CCDC88A: variants seen among roughly 807,000 people sequenced by gnomAD.
The protein encoded by CCDC88A is girdin.
CCDC88A carries 54 observed loss-of-function variants against 234.3 expected under a neutral mutation model. The observed-to-expected ratio is 0.23, with a 90% CI of 0.19 to 0.29. The LOEUF (loss-of-function observed/expected upper bound fraction) is 0.29, where lower values mean the gene tolerates loss of function less well. CCDC88A is among the 10% of genes least tolerant of loss of function. The pLI is 1.00. For missense variants in CCDC88A, 1,832 were observed against 2,123.4 expected, an observed-to-expected ratio of 0.86 and a Z score of 2.70; for synonymous variants, 753 against 737.8, an observed-to-expected ratio of 1.02 and a Z score of -0.33.
Position 55,419,020 on chromosome 2 carries a change from A to C in CCDC88A, c.60T>G (p.Thr20=). The C allele has an allele frequency of 6.2e-7, 1 of 1,612,376 alleles. No homozygotes were observed. The highest frequency in any genetic ancestry group is 1.1e-5 in the South Asian group (1 of 91,040). Residue 20 remains threonine (T), a synonymous_variant, in exon 1 of 33, where the codon ACT becomes ACG. Transcript: ENST00000436346. ...LEQFMTSPLV[T]WVKTFGPLAA... Reference sequence around the variant, plus strand: ...CAATAAAGGACACCCCACTTACCCAAGTGACCAAAGGGCTGGTCATGAACT... The same window carrying C: ...CAATAAAGGACACCCCACTTACCCACGTGACCAAAGGGCTGGTCATGAACT...
At chr2:55,383,925 G>C (rs1260290572) in intron 3 of CCDC88A, among the ~76,000 whole-genome samples, 2 of 152,030 alleles carry the variant, frequency 1.3e-5, no homozygotes, top group Non-Finnish European at 2.9e-5. Context: ...TATTTCTGAA[G>C]ACAATTTAAA....
intron 25 of CCDC88A, chr2:55,307,939 A>G (rs1035307738): frequency 6.6e-6 from 1 of 152,454 alleles, no homozygotes; most frequent in Non-Finnish European, 1.4e-5. Context: ...TAGGTGCACA[A>G]TACTACAACG....
At chr2:55,405,170 T>C (rs571304793) in intron 2 of CCDC88A, 1 of 152,380 alleles carries the variant, frequency 6.6e-6, no homozygotes, top group South Asian at 2.1e-4. Flanking sequence ...GCTTTTCCCC[T>C]AAAACGCTTC....
chr2:55,372,310 G>A (rs1168650962), intron 5 of CCDC88A, 142 bp downstream of exon 5: 2 of 490,144 alleles, frequency 4.1e-6, no homozygotes, highest in Non-Finnish European at 7.4e-6. Flanking sequence ...ATCTCCTTAG[G>A]AGGTTATACA....
Position 55,289,946 on chromosome 2 carries a change from T to TTAAAAA in CCDC88A, c.*1253_*1254insTTTTTA. The TTAAAAA allele has an allele frequency of 6.6e-6, 1 of 152,552 alleles. No homozygotes were observed. The highest frequency in any genetic ancestry group is 1.5e-5 in the Non-Finnish European group (1 of 67,970). 9.4% of individuals were successfully genotyped at this position (152,552 alleles called of 1,614,324 possible). ...CACTGTTAAAATTTTAAAAAGTCAG[T>TTAAAAA]ATGTTTCTCATTTCAGACCTTGAAG... On this transcript the variant is annotated 3_prime_UTR_variant, in exon 33 of 33. Coordinates refer to ENST00000436346, the MANE Select transcript of CCDC88A (RefSeq NM_001365480.1).
intron 2 of CCDC88A, among the ~76,000 whole-genome samples, chr2:55,393,836 G>A (rs1279920593): frequency 1.3e-5 from 2 of 152,072 alleles, no homozygotes; most frequent in African/African-American, 4.8e-5. Context: ...TGCATTTAAT[G>A]TTTCACCATT....
At chr2:55,372,568 T>C in intron 4 of CCDC88A, 58 bp from the exon 5 acceptor site, 2 of 838,480 alleles carry the variant, frequency 2.4e-6, no homozygotes, top group Non-Finnish European at 3.9e-6. Context: ...CTCTATTATA[T>C]TTGGAGAATC....
At chr2:55,411,186 G>C (rs1032304832) in intron 2 of CCDC88A, among the ~76,000 whole-genome samples, 2 of 152,112 alleles carry the variant, frequency 1.3e-5, no homozygotes, top group African/African-American at 2.4e-5. Context: ...TTAATGCCTA[G>C]AATGGTATCA....
chr2:55,296,425 G>A lies in CCDC88A; in HGVS notation c.4924C>T (p.Pro1642Ser). ...GTCTGTCTTTTCAAGTACTGGATTG[G>A]ACTGCTACCACTGCTGGACCAAGCC... ...HEAWSSSGSS[P>S]IQYLKRQTRS... Residue 1642 changes from proline to serine, a missense_variant, in exon 30 of 33, where the codon CCA becomes TCA. By Grantham distance (74) the Pro-to-Ser change is moderately conservative. This residue lies in a region of CCDC88A where 422 missense variants were observed against 416.5 expected (regional missense o/e 1.01). Transcript: ENST00000436346. The A allele has an allele frequency of 3.1e-6, 5 of 1,614,204 alleles. No homozygotes were observed. The highest frequency in any genetic ancestry group is 4.2e-6 in the Non-Finnish European group (5 of 1,180,034).
At chr2:55,303,336 T>A (rs1681116342) in intron 25 of CCDC88A, among the ~76,000 whole-genome samples, 184 bp from the exon 26 acceptor site, 1 of 152,222 alleles carries the variant, frequency 6.6e-6, no homozygotes, top group Non-Finnish European at 1.5e-5. Context: ...AAATATGTAC[T>A]TTGATATTTT....
intron 2 of CCDC88A, among the ~76,000 whole-genome samples, chr2:55,396,881 A>G (rs1022324985): frequency 3.3e-5 from 5 of 149,890 alleles, no homozygotes; most frequent in African/African-American, 1.3e-4. Flanking sequence ...AAAAAAAAAA[A>G]AAAAAAAAAA....
At position 55,328,308 on chromosome 2, in the gene CCDC88A, G is replaced by C. The variant is rs1176787885; in HGVS notation, c.2983C>G (p.Gln995Glu). Residue 995 changes from glutamine (Q) to glutamate (E), a missense_variant, in exon 17 of 33, where the codon CAA (glutamine) becomes GAA (glutamate). This residue lies in a region of CCDC88A where 1,282 missense variants were observed against 1,543.6 expected (regional missense o/e 0.83). Transcript: ENST00000436346. The surrounding 1 kb of genome is among the most constrained non-coding windows in gnomAD (Gnocchi z 4.3). ...AAATCACTTACTGTTTTAAGTTCTT[G>C]GCGCAATTGCTGGTTATAATTCGTG... Reference protein sequence around the residue: ...ESTNYNQQLRQELKTVKKNYE... With the variant: ...ESTNYNQQLREELKTVKKNYE... 8.2e-6 allele frequency: 13 copies of C among 1,589,042 alleles called. No homozygotes were observed. The highest frequency in any genetic ancestry group is 5.5e-5 in the Admixed American group (3 of 55,036).
At position 55,301,938 on chromosome 2, in the gene CCDC88A, C is replaced by T. The variant is rs746478618; in HGVS notation, c.4606G>A (p.Ala1536Thr). ...GAGTTGACAGTTGAAAAGTTGATGG[C>T]TGTAGTAGAGAAGGCCATAGCTCCC... The part of the protein sequence containing the change: ...ELGAMAFSTT[A>T]INFSTVNSSA... Residue 1536 changes from alanine to threonine, a missense_variant, in exon 27 of 33, where the codon GCC (alanine) becomes ACC (threonine). Around this residue, in one of 6 missense-constraint regions of CCDC88A, gnomAD observed 422 missense variants for 416.5 expected, o/e 1.01. Transcript: ENST00000436346. The T allele has an allele frequency of 1.1e-5, 18 of 1,614,074 alleles. No individual in the cohort carries two copies. In the African/African-American group the frequency reaches 1.9e-4, roughly 17 times the overall value.
chr2:55,317,218 C>T lies in CCDC88A; in HGVS notation c.3734G>A (p.Gly1245Asp), dbSNP rs1683099559. ...ATATATTTATTACCTATCATTTTCACCACAAAGTTTCTTGTATTCTGCAGC... is the reference window on the plus strand; with the variant it reads ...ATATATTTATTACCTATCATTTTCATCACAAAGTTTCTTGTATTCTGCAGC... ...TVAAEYKKLC[G>D]ENDRLNHTYS... The change falls in exon 21 of 33, where the codon GGT becomes GAT. Residue 1245 changes from glycine (G) to aspartate (D), a missense_variant. Physicochemically the swap from Gly to Asp is moderately conservative, Grantham distance 94. Around this residue, in one of 6 missense-constraint regions of CCDC88A, gnomAD observed 1,282 missense variants for 1,543.6 expected, o/e 0.83. Transcript: ENST00000436346. This position sits in a 1 kb window ranked among gnomAD's most constrained non-coding sequence, Gnocchi z 4.2. 3.4e-6 allele frequency: 5 copies of T among 1,481,678 alleles called. No homozygotes were observed. The Admixed American group carries it at 7.8e-5, about 23-fold the overall frequency. The allele number at this position is 1,481,678 out of a possible 1,614,324, so 91.8% of individuals were successfully genotyped here. A position where few individuals can be genotyped will look rare whatever the true frequency, so the allele number is the denominator to read the frequency against.
chr2:55,339,707 TC>T, intron 12 of CCDC88A, 59 bp from the exon 13 acceptor site: 1 of 1,449,432 alleles, frequency 6.9e-7, no homozygotes, highest in Non-Finnish European at 9.3e-7. Flanking sequence ...CTATGTTTAC[TC>T]TTTACTATTT....
At chr2:55,303,429 G>A (rs886638777) in intron 25 of CCDC88A, among the ~76,000 whole-genome samples, 15 of 131,584 alleles carry the variant, frequency 1.1e-4, no homozygotes, top group Non-Finnish European at 2.2e-4. Context: ...TTTTGCTCTT[G>A]TTGCCCAGGC....
At chr2:55,313,288 T>C (rs1401909015) in intron 22 of CCDC88A, 1 of 152,248 alleles carries the variant, frequency 6.6e-6, no homozygotes, top group Non-Finnish European at 1.5e-5. Context: ...GGCTGGTCTC[T>C]AACTCCCAAC....
At position 55,334,405 on chromosome 2, in the gene CCDC88A, A is replaced by G. The variant is rs760026683; in HGVS notation, c.2416T>C (p.Ser806Pro). The change falls in exon 15 of 33, where the codon TCT becomes CCT. Residue 806 changes from serine (S) to proline (P), a missense_variant. Transcript: ENST00000436346. This position sits in a 1 kb window ranked among gnomAD's most constrained non-coding sequence, Gnocchi z 6.1. ...LQKNLEELKISSKRLEQLEKE... is the reference protein window; with the variant it reads ...LQKNLEELKIPSKRLEQLEKE... Reference sequence around the variant, plus strand: ...TCCAGCTGTTCTAGTCTTTTGCTAGATATTTTTAGTTCTTCTAGGTTTTTC... The same window carrying G: ...TCCAGCTGTTCTAGTCTTTTGCTAGGTATTTTTAGTTCTTCTAGGTTTTTC... 2 of 1,579,854 alleles carry G rather than the reference A, an allele frequency of 1.3e-6. No homozygotes were observed. Among genetic ancestry groups the G allele is most frequent in the South Asian group, 1.2e-5 (1 of 84,100 alleles).
In CCDC88A at chr2:55,386,873, C is replaced by T. The variant is rs542753968; in HGVS notation, c.273+1905G>A. ...ACAAATATTCTCAAAGAAAAACATGCAGCTTGAGCTAAAGAAAAAGGGCTG... is the reference window on the plus strand; with the variant it reads ...ACAAATATTCTCAAAGAAAAACATGTAGCTTGAGCTAAAGAAAAAGGGCTG... On this transcript the variant is annotated intron_variant, in intron 3 of 32. Coordinates refer to ENST00000436346, the MANE Select transcript of CCDC88A (RefSeq NM_001365480.1). Among the ~76,000 whole-genome samples, 8 of 152,020 alleles carry T rather than the reference C, an allele frequency of 5.3e-5. No homozygotes were observed. The South Asian group carries it at 1.7e-3, about 32-fold the overall frequency.
Sources: allele counts gnomAD v4.1 joint callset (sites outside exome capture counted in the v4.1 genomes callset), GRCh38; gene constraint gnomAD v4.1.1; regional missense constraint gnomAD v4.1.1; non-coding constraint Gnocchi (gnomAD v3.1); transcripts MANE v1.5; gene names NCBI Gene and HGNC (gene_info 2026-07-23, HGNC 2026-07-21).